RPH3A: variants seen among roughly 807,000 people sequenced by gnomAD.
The protein encoded by RPH3A is rabphilin-3A.
A neutral mutation model predicts 102.2 loss-of-function variants in RPH3A; 48 were observed. The ratio of observed to expected loss-of-function variants is 0.47; its 90% CI spans 0.37 to 0.60. The LOEUF is 0.60. RPH3A is among the 20% of genes least tolerant of loss of function. The pLI is 0.00. For missense variants in RPH3A, 781 were observed against 910.1 expected, an observed-to-expected ratio of 0.86 and a Z score of 1.83; for synonymous variants, 310 against 324.3, an observed-to-expected ratio of 0.96 and a Z score of 0.47.
chr12:112,738,095 G>A lies in RPH3A; in HGVS notation c.-139-54048G>A, dbSNP rs553157408. On this transcript the variant is annotated intron_variant, in intron 1 of 21. Transcript: ENST00000543106. ...AGCAATCCTTGGCATTGCTAGTCTC[G>A]TAGCTTTGCCTCAAATCTCTGCCTT... 3.9e-5 allele frequency among the ~76,000 whole-genome samples: 6 copies of A among 152,160 alleles called. No homozygotes were observed. In the South Asian group the frequency reaches 8.3e-4, roughly 21 times the overall value.
At chr12:112,713,051 C>CTCCTTCTT (rs1555204011) in intron 1 of RPH3A, among the ~76,000 whole-genome samples, 22 of 85,868 alleles carry the variant, frequency 2.6e-4, no homozygotes, top group Non-Finnish European at 4.4e-4. Flanking sequence ...TTCTTCTTCT[C>CTCCTTCTT]CTTCTTCTTC....
intron 1 of RPH3A, among the ~76,000 whole-genome samples, chr12:112,578,570 C>T (rs2039374912): frequency 6.6e-6 from 1 of 152,172 alleles, no homozygotes; most frequent in South Asian, 2.1e-4. Context: ...TTTGGTTCTG[C>T]CTGAACCAAA....
chr12:112,797,440 A>C (rs2041254579), intron 2 of RPH3A, among the ~76,000 whole-genome samples: 1 of 152,136 alleles, frequency 6.6e-6, no homozygotes, highest in Admixed American at 6.5e-5. Context: ...GTTGGGGGGT[A>C]AAAAGCTCTT....
intron 1 of RPH3A, among the ~76,000 whole-genome samples, chr12:112,669,453 T>A (rs2040112110): frequency 6.6e-6 from 1 of 152,238 alleles, no homozygotes. Flanking sequence ...CATCTGCTCA[T>A]TGTGGCCATG....
chr12:112,746,331 G>T (rs2040745470), intron 1 of RPH3A, among the ~76,000 whole-genome samples: 1 of 152,102 alleles, frequency 6.6e-6, no homozygotes, highest in Non-Finnish European at 1.5e-5. Context: ...TCAGAGGAGG[G>T]ACGTACATGC....
chr12:112,704,951 G>C (rs186163991), intron 1 of RPH3A, among the ~76,000 whole-genome samples: 1 of 152,272 alleles, frequency 6.6e-6, no homozygotes, highest in East Asian at 1.9e-4. Context: ...AATGAGACTG[G>C]CTGAATTGAA....
chr12:112,867,810 G>A lies in RPH3A; in HGVS notation c.445-620G>A, dbSNP rs949546214. 2.0e-5 allele frequency among the ~76,000 whole-genome samples: 3 copies of A among 152,202 alleles called. No individual in the cohort carries two copies. The South Asian group carries it at 6.2e-4, about 32-fold the overall frequency. The stretch of plus-strand genomic sequence containing the variant: ...TCTTCAGCAATCCAAGCTTTCAAGA[G>A]GCTTTGTTGTAATCCCTGGTGCTCT... On this transcript the variant is annotated intron_variant, in intron 7 of 21. Transcript: ENST00000389385.
At chr12:112,756,199 T>C (rs1290159918) in intron 1 of RPH3A, among the ~76,000 whole-genome samples, 1 of 152,162 alleles carries the variant, frequency 6.6e-6, no homozygotes, top group Non-Finnish European at 1.5e-5. Context: ...TGTAATGTAT[T>C]ATTGACATCA....
At chr12:112,674,534 C>T (rs985525535) in intron 1 of RPH3A, among the ~76,000 whole-genome samples, 2 of 152,114 alleles carry the variant, frequency 1.3e-5, no homozygotes, top group East Asian at 1.9e-4. Flanking sequence ...TGAGTGGAGG[C>T]GGTTTGGGCT....
At chr12:112,658,199 T>C (rs779947779) in intron 1 of RPH3A, among the ~76,000 whole-genome samples, 1 of 152,100 alleles carries the variant, frequency 6.6e-6, no homozygotes, top group Non-Finnish European at 1.5e-5. Context: ...TATTTTGAGA[T>C]GGAATCTTGC....
At chr12:112,851,355 A>G (rs1468328085) in intron 5 of RPH3A, among the ~76,000 whole-genome samples, 1 of 152,158 alleles carries the variant, frequency 6.6e-6, no homozygotes, top group African/African-American at 2.4e-5. Flanking sequence ...TGTGTTGCAA[A>G]TTCCTAGGCT....
At position 112,793,872 on chromosome 12, in the gene RPH3A, C is replaced by A. The variant is rs143516992; in HGVS notation, c.-19+1609C>A. Among the ~76,000 whole-genome samples the A allele has an allele frequency of 2.3e-3, 356 of 152,120 alleles. 3 individuals are homozygous for A. The highest frequency in any genetic ancestry group is 8.1e-3 in the African/African-American group (338 of 41,490). On this transcript the variant is annotated intron_variant, in intron 2 of 21. Coordinates refer to ENST00000389385, the MANE Select transcript of RPH3A (RefSeq NM_001143854.2). The stretch of plus-strand genomic sequence containing the variant: ...GGATTATGGAGAGGTTTGGGGGGAT[C>A]TTAGGGGGCTATCAAGAGAGCCACG...
chr12:112,883,329 C>T lies in RPH3A; in HGVS notation c.1363C>T (p.Arg455Trp), dbSNP rs760257914. The stretch of plus-strand genomic sequence containing the variant: ...TCGTACAAAAACTCTGCGGAATACC[C>T]GGAACCCCATCTGGAATGAGACCCT... ...KLRTKTLRNT[R>W]NPIWNETLVY... Residue 455 changes from arginine to tryptophan, a missense_variant, in exon 16 of 22, where the codon CGG becomes TGG. Physicochemically the swap from Arg to Trp is moderately radical, Grantham distance 101 (BLOSUM62 -3). This residue lies in a region of RPH3A where 730 missense variants were observed against 810.0 expected (regional missense o/e 0.90). Coordinates refer to ENST00000389385, the MANE Select transcript of RPH3A (RefSeq NM_001143854.2). The T allele has an allele frequency of 5.0e-6, 8 of 1,614,122 alleles. No homozygotes were observed. Among genetic ancestry groups the T allele is most frequent in the Non-Finnish European group, 5.9e-6 (7 of 1,180,010 alleles).
chr12:112,841,999 A>G (rs553895342), intron 4 of RPH3A: 18 of 456,042 alleles, frequency 3.9e-5, no homozygotes, highest in African/African-American at 3.4e-4. Flanking sequence ...GGACACTGCT[A>G]CTACCATGGC....
At chr12:112,821,011 C>T (rs1451418977) in intron 2 of RPH3A, among the ~76,000 whole-genome samples, 7 of 152,194 alleles carry the variant, frequency 4.6e-5, no homozygotes, top group African/African-American at 9.7e-5. Context: ...CAGCCTTAGT[C>T]GGCTTCAGGG....
chr12:112,628,294 T>G (rs2039779844), intron 1 of RPH3A, among the ~76,000 whole-genome samples: 1 of 152,050 alleles, frequency 6.6e-6, no homozygotes, highest in Non-Finnish European at 1.5e-5. Flanking sequence ...GGTTGGAGTC[T>G]GCCTGGAATG....
intron 17 of RPH3A, 85 bp from the exon 18 acceptor site, chr12:112,889,939 A>G: frequency 8.2e-7 from 1 of 1,213,314 alleles, no homozygotes; most frequent in Non-Finnish European, 1.2e-6. Flanking sequence ...ATGGTAATGG[A>G]AGTATGAGGG....
At chr12:112,886,093 G>A (rs2042998622) in intron 16 of RPH3A, among the ~76,000 whole-genome samples, 1 of 152,178 alleles carries the variant, frequency 6.6e-6, no homozygotes, top group Non-Finnish European at 1.5e-5. Context: ...CTATGAGGGT[G>A]TTTGGGCCCT....
At chr12:112,768,949 C>T (rs2040910264) in intron 1 of RPH3A, among the ~76,000 whole-genome samples, 3 of 152,040 alleles carry the variant, frequency 2.0e-5, no homozygotes, top group South Asian at 2.1e-4. Context: ...ACAAAAAAAC[C>T]TTCCTACTCT....
Sources: gnomAD v4.1 joint callset for allele counts (sites outside exome capture counted in the v4.1 genomes callset) on GRCh38, gnomAD v4.1.1 for gene constraint, gnomAD v4.1.1 regional missense constraint, MANE v1.5 for transcripts, NCBI Gene and HGNC (gene_info 2026-07-23, HGNC 2026-07-21) for gene names.